UNKL: variants seen among roughly 807,000 people sequenced by gnomAD.
UNKL encodes the protein putative E3 ubiquitin-protein ligase UNKL.
UNKL carries 60 observed loss-of-function variants against 78.0 expected under a neutral mutation model. The ratio of observed to expected loss-of-function variants is 0.77; its 90% CI spans 0.63 to 0.95. The LOEUF (loss-of-function observed/expected upper bound fraction) is 0.95. Ranked by LOEUF, UNKL falls within the 40% of genes least tolerant of loss-of-function variation. The pLI, the probability that UNKL is intolerant of heterozygous loss-of-function variation, is 0.00. For synonymous variants in UNKL, 608 were observed against 474.8 expected, an observed-to-expected ratio of 1.28 and a Z score of -3.65; for missense variants, 1,159 against 1,045.7, an observed-to-expected ratio of 1.11 and a Z score of -1.49.
chr16:1,395,411 C>T (rs2037219009), intron 6 of UNKL, among the ~76,000 whole-genome samples: 1 of 151,942 alleles, frequency 6.6e-6, no homozygotes, highest in Non-Finnish European at 1.5e-5. Flanking sequence ...GGTGATCTGC[C>T]TGCCTCGGCC....
At chr16:1,413,181 G>A (rs927605507) in intron 2 of UNKL, among the ~76,000 whole-genome samples, 3 of 148,964 alleles carry the variant, frequency 2.0e-5, no homozygotes, top group African/African-American at 5.0e-5. Context: ...GGAGTTGGTG[G>A]CTGCAGTGAG....
At chr16:1,383,444 C>T (rs1193729608) in intron 10 of UNKL, 7 of 204,902 alleles carry the variant, frequency 3.4e-5, no homozygotes, top group African/African-American at 6.8e-5. Flanking sequence ...GTGCTGAGAG[C>T]GGGGCCCTGG....
At chr16:1,388,538 C>T (rs1231585338) in intron 9 of UNKL, among the ~76,000 whole-genome samples, 1 of 152,148 alleles carries the variant, frequency 6.6e-6, no homozygotes, top group South Asian at 2.1e-4. Flanking sequence ...GGGAGCTGGC[C>T]AGGGTGATGC....
intron 9 of UNKL, among the ~76,000 whole-genome samples, chr16:1,386,255 A>C (rs1219951479): frequency 6.6e-6 from 1 of 152,014 alleles, no homozygotes; most frequent in East Asian, 1.9e-4. Flanking sequence ...CTAAAAATAC[A>C]AAAAAAATTA....
At chr16:1,398,930 C>G (rs2142183938) in intron 5 of UNKL, 1 of 1,551,918 alleles carries the variant, frequency 6.4e-7, no homozygotes, top group Non-Finnish European at 8.7e-7. Flanking sequence ...GACCCGGCGT[C>G]CCAGCTGCCA....
At chr16:1,401,393 C>T (rs2037517531) in intron 4 of UNKL, 175 bp downstream of exon 4, 1 of 822,060 alleles carries the variant, frequency 1.2e-6, no homozygotes, top group Non-Finnish European at 1.7e-6. Flanking sequence ...CCAAATCCCA[C>T]TCGGCACCCA....
chr16:1,398,964 A>T, intron 5 of UNKL: 1 of 1,516,810 alleles, frequency 6.6e-7, no homozygotes, highest in Non-Finnish European at 8.9e-7. Flanking sequence ...GATTGAGCCC[A>T]GGTGACGACA....
At chr16:1,409,992 A>G (rs1411303689) in intron 2 of UNKL, among the ~76,000 whole-genome samples, 2 of 152,028 alleles carry the variant, frequency 1.3e-5, no homozygotes, top group Non-Finnish European at 2.9e-5. Flanking sequence ...AGGTACAATA[A>G]TTGCTTGAAC....
chr16:1,401,221 T>C (rs969831896), intron 4 of UNKL: 2 of 205,980 alleles, frequency 9.7e-6, no homozygotes, highest in Admixed American at 1.2e-4. Flanking sequence ...CTGCTGAGCA[T>C]CCTGGTGGGT....
intron 2 of UNKL, among the ~76,000 whole-genome samples, chr16:1,408,307 A>G (rs940126286): frequency 1.3e-5 from 2 of 151,496 alleles, no homozygotes; most frequent in South Asian, 4.2e-4. Flanking sequence ...GCGGGGCTTC[A>G]CACGTGACCC....
intron 1 of UNKL, 144 bp downstream of exon 1, chr16:1,414,471 G>A (rs919245757): frequency 1.1e-5 from 2 of 182,018 alleles, no homozygotes; most frequent in African/African-American, 2.4e-5. Flanking sequence ...AGGCCGCCGA[G>A]AGCAGAGGGT....
Position 1,413,981 on chromosome 16 carries a change from G to C in UNKL, c.152C>G (p.Thr51Ser). ...GTTGAGGAAGTGCCAGTGGAAGCAG[G>C]TGAACGGCCGGTGCTGCGCGCACTT... ...QHKCAQHRPF[T>S]CFHWHFLNQR... is the part of the protein sequence containing the mutation. The change falls in exon 2 of 15, where the codon ACC becomes AGC. Residue 51 changes from threonine (T) to serine (S), a missense_variant. Transcript: ENST00000389221. 1 of 1,552,402 alleles carries C rather than the reference G, an allele frequency of 6.4e-7. No homozygotes were observed. The highest frequency in any genetic ancestry group is 8.7e-7 in the Non-Finnish European group (1 of 1,147,766).
intron 9 of UNKL, among the ~76,000 whole-genome samples, chr16:1,389,844 C>T (rs1012337038): frequency 3.3e-5 from 5 of 152,178 alleles, no homozygotes; most frequent in African/African-American, 9.6e-5. Context: ...GAGACAGGGC[C>T]TCACTCTGTC....
intron 2 of UNKL, among the ~76,000 whole-genome samples, chr16:1,411,292 A>C (rs1354744655): frequency 2.6e-5 from 4 of 152,170 alleles, no homozygotes; most frequent in African/African-American, 4.8e-5. Flanking sequence ...TAGAGGCTGC[A>C]ATGAGCTGAG....
chr16:1,388,997 C>T (rs2036933791), intron 9 of UNKL, among the ~76,000 whole-genome samples: 1 of 152,226 alleles, frequency 6.6e-6, no homozygotes, highest in Admixed American at 6.5e-5. Flanking sequence ...ACCGCGTCCA[C>T]CTCCAGAACT....
At chr16:1,372,517 C>T (rs915538842) in intron 10 of UNKL, among the ~76,000 whole-genome samples, 2 of 152,102 alleles carry the variant, frequency 1.3e-5, no homozygotes, top group African/African-American at 2.4e-5. Context: ...CCCCCAACCC[C>T]GAATGGCAAG....
intron 7 of UNKL, among the ~76,000 whole-genome samples, chr16:1,393,319 G>C (rs1201098785): frequency 6.6e-6 from 1 of 152,142 alleles, no homozygotes; most frequent in Admixed American, 6.5e-5. Flanking sequence ...GGAGGAGGCC[G>C]TGTGGGTTCC....
intron 9 of UNKL, among the ~76,000 whole-genome samples, chr16:1,388,526 C>G (rs1371078468): frequency 6.6e-6 from 1 of 152,168 alleles, no homozygotes; most frequent in East Asian, 1.9e-4. Flanking sequence ...CTGACCCTGC[C>G]CGGGAGCTGG....
At chr16:1,369,046 AAAGTAT>A (rs1024737613) in intron 12 of UNKL, among the ~76,000 whole-genome samples, 7 of 142,114 alleles carry the variant, frequency 4.9e-5, no homozygotes, top group African/African-American at 1.8e-4. Context: ...ATGTTGGCCC[AAAGTAT>A]TAGTTTTTTT....
Sources: gnomAD v4.1 joint callset for allele counts (sites outside exome capture counted in the v4.1 genomes callset) on GRCh38, gnomAD v4.1.1 for gene constraint, MANE v1.5 for transcripts, NCBI Gene and HGNC (gene_info 2026-07-23, HGNC 2026-07-21) for gene names.